RALGAPA2: variants seen among roughly 807,000 people sequenced by gnomAD.
The protein encoded by RALGAPA2 is ral GTPase-activating protein subunit alpha-2.
In RALGAPA2, 139 loss-of-function variants were observed where a neutral mutation model predicts 230.4. That is an observed-to-expected ratio of 0.60 (90% CI 0.53 to 0.69). The LOEUF (loss-of-function observed/expected upper bound fraction) is 0.69. Among genes scored for constraint, RALGAPA2 ranks in the 30% least tolerant of loss-of-function variants. The probability of loss-of-function intolerance (pLI) is 0.00; values close to 1 mark genes in which losing one functional copy is unlikely to be tolerated. For missense variants in RALGAPA2, 2,163 were observed against 2,276.0 expected, an observed-to-expected ratio of 0.95 and a Z score of 1.01; for synonymous variants, 847 against 837.8, an observed-to-expected ratio of 1.01 and a Z score of -0.19.
chr20:20,552,909 G>T (rs1033279978), intron 23 of RALGAPA2, among the ~76,000 whole-genome samples: 1 of 151,860 alleles, frequency 6.6e-6, no homozygotes, highest in Non-Finnish European at 1.5e-5. Flanking sequence ...GGCTTCTGAT[G>T]ATTAAAAAAT....
At chr20:20,621,259 T>A (rs1439135108) in intron 10 of RALGAPA2, among the ~76,000 whole-genome samples, 1 of 152,068 alleles carries the variant, frequency 6.6e-6, no homozygotes, top group Non-Finnish European at 1.5e-5. Context: ...CAAAACACAA[T>A]TATAATGCAC....
At chr20:20,507,617 A>G (rs766569076) in intron 33 of RALGAPA2, among the ~76,000 whole-genome samples, 12 of 152,176 alleles carry the variant, frequency 7.9e-5, no homozygotes, top group Non-Finnish European at 1.3e-4. Context: ...TTGGCCTCCC[A>G]AAGTGTTGGC....
At chr20:20,655,371 T>C (rs1168038476) in intron 3 of RALGAPA2, among the ~76,000 whole-genome samples, 4 of 152,120 alleles carry the variant, frequency 2.6e-5, no homozygotes, top group Non-Finnish European at 4.4e-5. Context: ...GCACGAAATA[T>C]TACAGACGTA....
intron 33 of RALGAPA2, among the ~76,000 whole-genome samples, chr20:20,508,850 C>G (rs1488982162): frequency 6.6e-6 from 1 of 152,188 alleles, no homozygotes; most frequent in Non-Finnish European, 1.5e-5. Context: ...CAAGAAGACA[C>G]TAAATCCAGG....
At chr20:20,629,300 T>C (rs1603122020) in intron 10 of RALGAPA2, 63 bp downstream of exon 10, 9 of 1,366,030 alleles carry the variant, frequency 6.6e-6, no homozygotes, top group East Asian at 2.5e-5. Context: ...AACAAAATCA[T>C]TTCCATTTCA....
At chr20:20,448,856 G>A (rs1481856836) in intron 37 of RALGAPA2, among the ~76,000 whole-genome samples, 2 of 150,106 alleles carry the variant, frequency 1.3e-5, no homozygotes, top group Non-Finnish European at 3.0e-5. Context: ...CTGACTTTGG[G>A]TTTATGAATG....
chr20:20,578,780 G>T (rs751159502), intron 20 of RALGAPA2, among the ~76,000 whole-genome samples: 1 of 152,144 alleles, frequency 6.6e-6, no homozygotes, highest in Non-Finnish European at 1.5e-5. Flanking sequence ...GAAAATTCAG[G>T]CCTGGCCTGG....
At chr20:20,404,051 C>CGT (rs1415209117) in intron 38 of RALGAPA2, among the ~76,000 whole-genome samples, 1 of 152,164 alleles carries the variant, frequency 6.6e-6, no homozygotes, top group Non-Finnish European at 1.5e-5. Context: ...GTAGGTGGAA[C>CGT]GTGTCCTCTA....
At chr20:20,508,563 A>T (rs1332598322) in intron 33 of RALGAPA2, among the ~76,000 whole-genome samples, 1 of 152,242 alleles carries the variant, frequency 6.6e-6, no homozygotes, top group East Asian at 1.9e-4. Flanking sequence ...AGCACTGACA[A>T]TCTAGACCAT....
Position 20,484,714 on chromosome 20 carries a change from G to GATT in RALGAPA2, c.5367+10400_5367+10402dup, listed in dbSNP as rs571077858. 3.4e-3 allele frequency among the ~76,000 whole-genome samples: 511 copies of GATT among 152,234 alleles called. 2 individuals are homozygous for GATT. Among genetic ancestry groups the GATT allele is most frequent in the African/African-American group, 0.012 (492 of 41,552 alleles). On this transcript the variant is annotated intron_variant, in intron 36 of 39. Coordinates refer to ENST00000202677, the MANE Select transcript of RALGAPA2 (RefSeq NM_020343.4). ...CATAATAGATATTTTTTGATTATAA[G>GATT]ATTAAGATAAAATAACAAAAGAATC...
At chr20:20,601,922 T>C in intron 15 of RALGAPA2, 76 bp from the exon 16 acceptor site, 1 of 1,300,392 alleles carries the variant, frequency 7.7e-7, no homozygotes, top group South Asian at 1.7e-5. Flanking sequence ...GCTCAGCAAA[T>C]GGTGTACCTA....
At position 20,466,243 on chromosome 20, in the gene RALGAPA2, T is replaced by A. The variant is rs558559272; in HGVS notation, c.5495+6586A>T. On this transcript the variant is annotated intron_variant, in intron 37 of 39. Transcript: ENST00000202677. Reference sequence around the variant, plus strand: ...GGAGAAGTCAAAAGTCTAGATTTTTTAAAAATGCAAACTCTCCCAATTTTT... The same window carrying A: ...GGAGAAGTCAAAAGTCTAGATTTTTAAAAAATGCAAACTCTCCCAATTTTT... Among the ~76,000 whole-genome samples, 78 of 152,352 alleles carry A rather than the reference T, an allele frequency of 5.1e-4. 1 individual carries two copies. Among genetic ancestry groups the A allele is most frequent in the African/African-American group, 1.8e-3 (75 of 41,588 alleles).
rs749605322 is a variant in RALGAPA2 at position 20,635,426 on chromosome 20, T to C, written c.997A>G (p.Ile333Val). The C allele has an allele frequency of 4.4e-6, 7 of 1,594,916 alleles. No individual in the cohort carries two copies. Among genetic ancestry groups the C allele is most frequent in the Non-Finnish European group, 6.0e-6 (7 of 1,172,662 alleles). The change falls in exon 9 of 40, where the codon ATC becomes GTC. Residue 333 changes from isoleucine (I) to valine (V), a missense_variant. Transcript: ENST00000202677. The part of the protein sequence containing the change: ...TKNGVDVLPK[I>V]IQTVGGGAVQ... ...GATGATGGATGGCATACCTGGATGA[T>C]TTTAGGCAATACATCAACTCCATTT...
At chr20:20,538,315 C>A (rs1038782137) in intron 24 of RALGAPA2, among the ~76,000 whole-genome samples, 2 of 152,130 alleles carry the variant, frequency 1.3e-5, no homozygotes, top group African/African-American at 4.8e-5. Context: ...CAAACTACTG[C>A]TAAGGGCCAC....
intron 2 of RALGAPA2, 106 bp downstream of exon 2, chr20:20,680,585 C>A (rs528890869): frequency 7.2e-7 from 1 of 1,383,754 alleles, no homozygotes; most frequent in Admixed American, 3.7e-5. Flanking sequence ...TTGCTAAAGG[C>A]TTGGCAAGAA....
intron 4 of RALGAPA2, among the ~76,000 whole-genome samples, 154 bp downstream of exon 4, chr20:20,653,376 G>A (rs117331504): frequency 0.024 from 3,667 of 151,954 alleles, 73 homozygotes; most frequent in South Asian, 0.059. Context: ...CCAAAGTCAG[G>A]GTTGAACTTG....
intron 1 of RALGAPA2, among the ~76,000 whole-genome samples, chr20:20,699,603 A>C (rs2069260413): frequency 6.6e-6 from 1 of 152,210 alleles, no homozygotes; most frequent in Admixed American, 6.5e-5. Context: ...CAAAGATTTC[A>C]TTTAAAAATT....
intron 23 of RALGAPA2, among the ~76,000 whole-genome samples, chr20:20,549,417 G>T (rs1302468740): frequency 6.6e-6 from 1 of 152,174 alleles, no homozygotes; most frequent in Non-Finnish European, 1.5e-5. Context: ...AGGTTGGAAA[G>T]AGAGGGCAAA....
intron 14 of RALGAPA2, among the ~76,000 whole-genome samples, chr20:20,607,597 A>C (rs1342837410): frequency 6.6e-6 from 1 of 152,234 alleles, no homozygotes; most frequent in African/African-American, 2.4e-5. Context: ...AAAATTAATA[A>C]ATATTAGATC....
Sources: allele counts gnomAD v4.1 joint callset (sites outside exome capture counted in the v4.1 genomes callset), GRCh38; gene constraint gnomAD v4.1.1; transcripts MANE v1.5; gene names NCBI Gene and HGNC (gene_info 2026-07-23, HGNC 2026-07-21).